Variants in FHIT observed in about 807,000 individuals in gnomAD.
FHIT encodes bis(5'-adenosyl)-triphosphatase.
In FHIT, 19 loss-of-function variants were observed where a neutral mutation model predicts 17.9. That is an observed-to-expected ratio of 1.06 (90% CI 0.74 to 1.56). The LOEUF (loss-of-function observed/expected upper bound fraction) is 1.56. FHIT is among the 40% of genes most tolerant of loss of function. The probability of loss-of-function intolerance (pLI) is 0.00; values close to 1 mark genes in which losing one functional copy is unlikely to be tolerated. For missense variants in FHIT, 248 were observed against 189.2 expected (o/e 1.31, Z -1.82); for synonymous variants, 81 against 69.7 (o/e 1.16, Z -0.81).
At chr3:60,592,226 AT>A (rs1553664593) in intron 4 of FHIT, among the ~76,000 whole-genome samples, 12 of 147,298 alleles carry the variant, frequency 8.1e-5, no homozygotes, top group Non-Finnish European at 6.0e-5. Flanking sequence ...ATATATATAT[AT>A]ACTATATATA....
At chr3:59,762,796 A>G (rs929955571) in intron 8 of FHIT, among the ~76,000 whole-genome samples, 3 of 150,896 alleles carry the variant, frequency 2.0e-5, no homozygotes, top group African/African-American at 7.5e-5. Flanking sequence ...CCAACACCTC[A>G]CCCCAGGCGC....
chr3:59,854,590 C>T (rs1374332072), intron 8 of FHIT, among the ~76,000 whole-genome samples: 1 of 152,166 alleles, frequency 6.6e-6, no homozygotes, highest in East Asian at 1.9e-4. Context: ...AAGCACAGTG[C>T]AGGGCAGAAT....
chr3:61,104,017 T>C (rs1168069484), intron 2 of FHIT, among the ~76,000 whole-genome samples: 1 of 152,188 alleles, frequency 6.6e-6, no homozygotes, highest in Non-Finnish European at 1.5e-5. Context: ...TGGCTCTTTA[T>C]CCAATTTTCC....
chr3:60,592,163 A>G (rs1263616618), intron 4 of FHIT, among the ~76,000 whole-genome samples: 1 of 147,958 alleles, frequency 6.8e-6, no homozygotes, highest in Non-Finnish European at 1.5e-5. Context: ...GGTAGAATAT[A>G]TATATTATTA....
chr3:60,069,800 C>T (rs1702686621), intron 5 of FHIT, among the ~76,000 whole-genome samples: 1 of 152,188 alleles, frequency 6.6e-6, no homozygotes, highest in Non-Finnish European at 1.5e-5. Flanking sequence ...TCATACTTTC[C>T]ATCCTTAGAG....
chr3:59,990,132 A>T (rs1414456273), intron 7 of FHIT, among the ~76,000 whole-genome samples: 2 of 152,174 alleles, frequency 1.3e-5, no homozygotes, highest in South Asian at 2.1e-4. Flanking sequence ...ACCATGGATG[A>T]TTGTAATTTC....
At chr3:60,869,499 A>C (rs1358961630) in intron 3 of FHIT, among the ~76,000 whole-genome samples, 1 of 152,186 alleles carries the variant, frequency 6.6e-6, no homozygotes. Flanking sequence ...TTTACCTGTC[A>C]TAGTTCTAGC....
At chr3:59,820,370 C>T (rs1462351880) in intron 8 of FHIT, among the ~76,000 whole-genome samples, 1 of 152,216 alleles carries the variant, frequency 6.6e-6, no homozygotes, top group African/African-American at 2.4e-5. Context: ...CCAGGTACTA[C>T]AACAACTTAC....
At chr3:60,567,561 C>A (rs2037184753) in intron 4 of FHIT, among the ~76,000 whole-genome samples, 2 of 152,200 alleles carry the variant, frequency 1.3e-5, no homozygotes, top group South Asian at 4.1e-4. Context: ...GACTTCATGT[C>A]CAAAACACTA....
At chr3:59,961,701 C>T (rs146341585) in intron 7 of FHIT, among the ~76,000 whole-genome samples, 1,975 of 152,250 alleles carry the variant, frequency 0.013, 48 homozygotes, top group African/African-American at 0.045. Flanking sequence ...CCAAGTGAGG[C>T]GACACCCCAC....
At chr3:59,761,318 G>A (rs1470147191) in intron 8 of FHIT, among the ~76,000 whole-genome samples, 1 of 152,164 alleles carries the variant, frequency 6.6e-6, no homozygotes, top group Non-Finnish European at 1.5e-5. Flanking sequence ...CCCAGTCAGA[G>A]TAACATCCAT....
chr3:59,767,799 T>A (rs989301389), intron 8 of FHIT, among the ~76,000 whole-genome samples: 1 of 152,188 alleles, frequency 6.6e-6, no homozygotes, highest in Admixed American at 6.5e-5. Flanking sequence ...GGCTTAGAGA[T>A]GTGATCTCAT....
At chr3:60,209,533 C>A (rs944860903) in intron 5 of FHIT, among the ~76,000 whole-genome samples, 3 of 152,140 alleles carry the variant, frequency 2.0e-5, no homozygotes, top group African/African-American at 4.8e-5. Context: ...TCTTCCAGAG[C>A]CAAGAACTCT....
At position 60,595,312 on chromosome 3, in the gene FHIT, A is replaced by G. The variant is rs1392363742; in HGVS notation, c.-17-58333T>C. Among the ~76,000 whole-genome samples the G allele has an allele frequency of 5.3e-5, 8 of 152,090 alleles. No individual in the cohort carries two copies. The East Asian group carries it at 1.6e-3, about 30-fold the overall frequency. On this transcript the variant is annotated intron_variant, in intron 4 of 9. Transcript: ENST00000492590. ...AGCCAACGAGGAGAAATTAGGGGAA[A>G]GCGAAACATCAGTAGGCAGAAGGCA... is the stretch of plus-strand genomic sequence containing the variant.
rs1320133940 is a variant in FHIT, at chr3:60,027,138, C to CAAAA, written c.104-12987_104-12986insTTTT. 1.7e-3 allele frequency among the ~76,000 whole-genome samples: 199 copies of CAAAA among 119,810 alleles called. 3 individuals carry two copies. The highest frequency in any genetic ancestry group is 8.6e-3 in the South Asian group (33 of 3,836). 78.6% of individuals were successfully genotyped at this position (119,810 alleles called of 152,430 possible). On this transcript the variant is annotated intron_variant, in intron 5 of 9. Coordinates refer to ENST00000492590, the MANE Select transcript of FHIT (RefSeq NM_002012.4). ...ACACACACACACACACACACACACA[C>CAAAA]ACACACACACAAAATTAGTAAACCC...
At chr3:59,889,705 C>T (rs924747176) in intron 8 of FHIT, among the ~76,000 whole-genome samples, 9 of 152,246 alleles carry the variant, frequency 5.9e-5, no homozygotes, top group African/African-American at 7.2e-5. Flanking sequence ...TTCTTTTTTA[C>T]GTAAGGTCAA....
intron 3 of FHIT, among the ~76,000 whole-genome samples, chr3:60,940,007 T>TA (rs1229592614): frequency 1.3e-5 from 2 of 152,148 alleles, no homozygotes; most frequent in Non-Finnish European, 2.9e-5. Context: ...TCTGAATTAT[T>TA]ATAAAGGCTT....
intron 2 of FHIT, among the ~76,000 whole-genome samples, chr3:61,117,913 C>T (rs556212181): frequency 3.3e-5 from 5 of 152,214 alleles, no homozygotes; most frequent in Admixed American, 6.5e-5. Flanking sequence ...AACAAAGCTG[C>T]GAGTGGCAAA....
intron 3 of FHIT, among the ~76,000 whole-genome samples, chr3:60,852,151 T>A (rs1703180683): frequency 6.6e-6 from 1 of 152,136 alleles, no homozygotes; most frequent in Admixed American, 6.6e-5. Context: ...CTGACCCTCA[T>A]GCAAGAAAGA....
Sources: gnomAD v4.1 joint callset for allele counts (sites outside exome capture counted in the v4.1 genomes callset) on GRCh38, gnomAD v4.1.1 for gene constraint, MANE v1.5 for transcripts, NCBI Gene and HGNC (gene_info 2026-07-23, HGNC 2026-07-21) for gene names.